The following NWD2 variants were observed in gnomAD, a reference collection of about 807,000 sequenced individuals.
NWD2 encodes the protein NACHT and WD repeat domain containing 2.
Under a neutral mutation model 132.7 loss-of-function variants are expected in NWD2, and 37 were observed. The observed-to-expected ratio is 0.28, with a 90% CI of 0.21 to 0.37. The LOEUF (loss-of-function observed/expected upper bound fraction) is 0.37, where lower values mean the gene tolerates loss of function less well. Ranked by LOEUF, NWD2 falls within the 10% of genes least tolerant of loss-of-function variation. The pLI is 1.00. For missense variants in NWD2, 1,592 were observed against 2,122.4 expected (o/e 0.75, Z 4.91); for synonymous variants, 705 against 803.0 (o/e 0.88, Z 2.06).
intron 3 of NWD2, among the ~76,000 whole-genome samples, chr4:37,394,814 T>TTG (rs1560411804): frequency 1.4e-5 from 1 of 72,530 alleles, no homozygotes; most frequent in Non-Finnish European, 3.2e-5. Flanking sequence ...TTTTTTTTTT[T>TTG]TTTTTTTTTT....
chr4:37,431,232 G>A (rs1712170345), intron 4 of NWD2, among the ~76,000 whole-genome samples: 1 of 152,156 alleles, frequency 6.6e-6, no homozygotes, highest in South Asian at 2.1e-4. Flanking sequence ...CAATAGCCAA[G>A]ATATGGAAAC....
At chr4:37,376,846 C>T (rs1196852254) in intron 3 of NWD2, among the ~76,000 whole-genome samples, 1 of 152,132 alleles carries the variant, frequency 6.6e-6, no homozygotes, top group Non-Finnish European at 1.5e-5. Flanking sequence ...TATTCTCCCA[C>T]AATATATTGT....
chr4:37,405,318 C>T (rs58552809), intron 3 of NWD2, among the ~76,000 whole-genome samples: 3,829 of 152,096 alleles, frequency 0.025, 119 homozygotes, highest in African/African-American at 0.065. Context: ...AAGAGGTTTT[C>T]TTGGGAGGAT....
In NWD2 at chr4:37,368,140, G is replaced by A. The variant is rs577719631; in HGVS notation, c.357+11658G>A. On this transcript the variant is annotated intron_variant, in intron 3 of 6. Coordinates refer to ENST00000309447, the MANE Select transcript of NWD2 (RefSeq NM_001144990.2). ...TGGTAGGGAAGGAAGCTGTGTTGCC[G>A]CAGGCTTTAGTAAGATTGCTTCAGC... 1.3e-3 allele frequency among the ~76,000 whole-genome samples: 191 copies of A among 152,158 alleles called. 1 individual carries two copies. The highest frequency in any genetic ancestry group is 4.1e-3 in the African/African-American group (170 of 41,512).
intron 2 of NWD2, among the ~76,000 whole-genome samples, chr4:37,346,587 G>A (rs1719641942): frequency 6.6e-6 from 1 of 152,152 alleles, no homozygotes; most frequent in South Asian, 2.1e-4. Context: ...GATTGAATCT[G>A]TAGGTTAATT....
chr4:37,307,266 A>C (rs954591937), intron 1 of NWD2, among the ~76,000 whole-genome samples: 2 of 152,120 alleles, frequency 1.3e-5, no homozygotes, highest in African/African-American at 4.8e-5. Context: ...GGTAGTTATC[A>C]TTCTTTTGCT....
At chr4:37,310,836 A>G (rs1368152107) in intron 1 of NWD2, among the ~76,000 whole-genome samples, 2 of 124,192 alleles carry the variant, frequency 1.6e-5, no homozygotes, top group Non-Finnish European at 3.1e-5. Flanking sequence ...TCCTGTGTCC[A>G]TGTGTTCTCA....
At chr4:37,372,609 T>TA (rs1180583363) in intron 3 of NWD2, among the ~76,000 whole-genome samples, 24 of 152,372 alleles carry the variant, frequency 1.6e-4, no homozygotes, top group African/African-American at 5.3e-4. Context: ...CCGCTACTAG[T>TA]AACTCAACGT....
intron 3 of NWD2, among the ~76,000 whole-genome samples, chr4:37,372,409 A>G (rs1295570169): frequency 6.6e-6 from 1 of 152,220 alleles, no homozygotes; most frequent in Non-Finnish European, 1.5e-5. Context: ...ACACACAGCT[A>G]GTATAGTAAG....
intron 3 of NWD2, among the ~76,000 whole-genome samples, chr4:37,413,962 G>C (rs1287850168): frequency 6.6e-6 from 1 of 151,854 alleles, no homozygotes; most frequent in Non-Finnish European, 1.5e-5. Context: ...CACACACCAG[G>C]GCCTGTCAGG....
intron 1 of NWD2, among the ~76,000 whole-genome samples, chr4:37,316,829 T>G (rs529166641): frequency 6.6e-6 from 1 of 152,176 alleles, no homozygotes; most frequent in African/African-American, 2.4e-5. Context: ...TTCTTAAACA[T>G]TGGATATTTT....
intron 3 of NWD2, among the ~76,000 whole-genome samples, chr4:37,427,158 C>T (rs1487049295): frequency 3.3e-5 from 5 of 151,974 alleles, no homozygotes; most frequent in Non-Finnish European, 4.4e-5. Context: ...GACCAAACTC[C>T]ATCTGTATAC....
At chr4:37,275,987 A>G (rs1718003529) in intron 1 of NWD2, among the ~76,000 whole-genome samples, 2 of 152,248 alleles carry the variant, frequency 1.3e-5, no homozygotes, top group Non-Finnish European at 2.9e-5. Context: ...ACCTAAAACC[A>G]TAAAAACCCT....
At chr4:37,397,802 T>C (rs773245643) in intron 3 of NWD2, among the ~76,000 whole-genome samples, 16 of 152,136 alleles carry the variant, frequency 1.1e-4, no homozygotes, top group Non-Finnish European at 2.2e-4. Flanking sequence ...TCTCTCTCTC[T>C]CTCTCTCTCT....
chr4:37,403,295 A>G (rs574825886), intron 3 of NWD2, among the ~76,000 whole-genome samples: 1 of 152,204 alleles, frequency 6.6e-6, no homozygotes, highest in Non-Finnish European at 1.5e-5. Flanking sequence ...TAAAAAGGTC[A>G]TTTTTACCTA....
chr4:37,306,424 A>C (rs113194754), intron 1 of NWD2, among the ~76,000 whole-genome samples: 112 of 151,918 alleles, frequency 7.4e-4, no homozygotes, highest in African/African-American at 2.5e-3. Context: ...TTTATTTGAA[A>C]TATTTCTACT....
At chr4:37,434,634 TA>T (rs1194667993) in intron 5 of NWD2, among the ~76,000 whole-genome samples, 3 of 152,032 alleles carry the variant, frequency 2.0e-5, no homozygotes, top group African/African-American at 4.8e-5. Context: ...GGACCTGAAT[TA>T]CGGAAGAAAA....
chr4:37,262,498 A>G (rs1265830331), intron 1 of NWD2, among the ~76,000 whole-genome samples: 1 of 152,180 alleles, frequency 6.6e-6, no homozygotes. Context: ...TATTCTTGGG[A>G]AAAAAAGTAA....
At chr4:37,367,023 A>C (rs1720116921) in intron 3 of NWD2, among the ~76,000 whole-genome samples, 2 of 152,176 alleles carry the variant, frequency 1.3e-5, no homozygotes, top group South Asian at 4.1e-4. Flanking sequence ...TGCAAAATAT[A>C]CCTTTTTTCA....
Sources: allele counts gnomAD v4.1 joint callset (sites outside exome capture counted in the v4.1 genomes callset), GRCh38; gene constraint gnomAD v4.1.1; transcripts MANE v1.5; gene names NCBI Gene and HGNC (gene_info 2026-07-23, HGNC 2026-07-21).